TCF7L2: variants seen among roughly 807,000 people sequenced by gnomAD.
TCF7L2 encodes transcription factor 7 like 2.
A neutral mutation model predicts 77.9 loss-of-function variants in TCF7L2; 23 were observed. That is an observed-to-expected ratio of 0.30 (90% CI 0.21 to 0.42). The LOEUF (loss-of-function observed/expected upper bound fraction) is 0.42, where lower values mean the gene tolerates loss of function less well. Among genes scored for constraint, TCF7L2 ranks in the 10% least tolerant of loss-of-function variants. The probability of loss-of-function intolerance (pLI) is 1.00; values close to 1 mark genes in which losing one functional copy is unlikely to be tolerated. For synonymous variants in TCF7L2, 413 were observed against 340.2 expected (o/e 1.21, Z -2.36); for missense variants, 654 against 793.1 (o/e 0.82, Z 2.11).
At chr10:113,027,652 G>A (rs2049429247) in intron 4 of TCF7L2, among the ~76,000 whole-genome samples, 1 of 152,178 alleles carries the variant, frequency 6.6e-6, no homozygotes, top group South Asian at 2.1e-4. Context: ...TATTGTGCTC[G>A]AAATATCTCC....
At chr10:113,066,356 A>G (rs1040393669) in intron 5 of TCF7L2, among the ~76,000 whole-genome samples, 2 of 151,756 alleles carry the variant, frequency 1.3e-5, no homozygotes, top group African/African-American at 2.4e-5. Context: ...CAAGAGCAAA[A>G]GTCCGTCTCA....
intron 5 of TCF7L2, chr10:113,129,265 T>A (rs2066165572): frequency 1.0e-6 from 1 of 975,264 alleles, no homozygotes; most frequent in East Asian, 1.1e-4. Context: ...GATTTGACAA[T>A]CTTGCAGATA....
intron 4 of TCF7L2, among the ~76,000 whole-genome samples, chr10:113,038,771 T>G (rs2051858357): frequency 6.6e-6 from 1 of 152,182 alleles, no homozygotes; most frequent in Non-Finnish European, 1.5e-5. Context: ...TTGATTTACC[T>G]GTGTCTGTAA....
chr10:113,012,482 T>A (rs891292880), intron 4 of TCF7L2, among the ~76,000 whole-genome samples: 1 of 110,096 alleles, frequency 9.1e-6, no homozygotes, highest in Non-Finnish European at 1.8e-5. Context: ...TCTGAACTAG[T>A]GGAAAGGCAC....
intron 5 of TCF7L2, among the ~76,000 whole-genome samples, chr10:113,058,424 TGA>T (rs1348645822): frequency 6.6e-6 from 1 of 151,566 alleles, no homozygotes; most frequent in East Asian, 1.9e-4. Context: ...TTGGAGTGGG[TGA>T]GAGGGAAAAG....
chr10:113,030,814 T>C (rs1223359521), intron 4 of TCF7L2, among the ~76,000 whole-genome samples: 1 of 152,196 alleles, frequency 6.6e-6, no homozygotes, highest in Non-Finnish European at 1.5e-5. Context: ...GTGCTGGTGG[T>C]GGAGCTGACA....
intron 5 of TCF7L2, among the ~76,000 whole-genome samples, chr10:113,069,482 T>C (rs1314360051): frequency 6.6e-6 from 1 of 152,062 alleles, no homozygotes; most frequent in Non-Finnish European, 1.5e-5. Flanking sequence ...CGCCCACCTC[T>C]ACCTCTCAAA....
intron 5 of TCF7L2, chr10:113,126,821 C>T (rs1410528604): frequency 1.6e-5 from 16 of 986,822 alleles, no homozygotes; most frequent in Non-Finnish European, 1.9e-5. Flanking sequence ...AGCATCTGGG[C>T]GCAGGCAGCA....
intron 4 of TCF7L2, among the ~76,000 whole-genome samples, chr10:112,993,372 C>T (rs968115520): frequency 1.3e-5 from 2 of 151,448 alleles, no homozygotes; most frequent in African/African-American, 2.4e-5. Flanking sequence ...TGGGTGTGGT[C>T]GTGGGCACCT....
chr10:113,114,475 G>A (rs899282575), intron 5 of TCF7L2, among the ~76,000 whole-genome samples: 2 of 152,120 alleles, frequency 1.3e-5, no homozygotes, highest in Non-Finnish European at 2.9e-5. Context: ...TCAATGGTGT[G>A]TGGGCTTAAG....
chr10:113,062,266 C>T (rs149978453), intron 5 of TCF7L2, among the ~76,000 whole-genome samples: 1 of 152,142 alleles, frequency 6.6e-6, no homozygotes, highest in Non-Finnish European at 1.5e-5. Context: ...CTTTGCCTAC[C>T]CCTGCTGTTG....
chr10:113,057,741 GCT>G (rs1564835793), intron 5 of TCF7L2, among the ~76,000 whole-genome samples: 1 of 152,218 alleles, frequency 6.6e-6, no homozygotes, highest in East Asian at 1.9e-4. Flanking sequence ...AGAGACTGAG[GCT>G]CAGAGGGAAG....
chr10:113,027,611 A>T (rs1005473461), intron 4 of TCF7L2, among the ~76,000 whole-genome samples: 2 of 152,204 alleles, frequency 1.3e-5, no homozygotes, highest in African/African-American at 4.8e-5. Context: ...TTGGAAGTGG[A>T]CAAAACTGTA....
At chr10:113,059,042 G>A (rs2134801922) in intron 5 of TCF7L2, among the ~76,000 whole-genome samples, 1 of 152,246 alleles carries the variant, frequency 6.6e-6, no homozygotes, top group African/African-American at 2.4e-5. Flanking sequence ...GTGGGAGTGG[G>A]GGATAAAAAG....
intron 5 of TCF7L2, among the ~76,000 whole-genome samples, chr10:113,130,563 T>C (rs1449290457): frequency 6.6e-6 from 1 of 152,186 alleles, no homozygotes; most frequent in African/African-American, 2.4e-5. Flanking sequence ...GCTGGCTTTT[T>C]AGGGCTATGG....
intron 3 of TCF7L2, among the ~76,000 whole-genome samples, chr10:112,954,678 A>G (rs1394880402): frequency 6.6e-6 from 1 of 152,218 alleles, no homozygotes; most frequent in Non-Finnish European, 1.5e-5. Context: ...GTAACCTATT[A>G]AAGTTGATTG....
At chr10:113,126,653 G>A (rs540366961) in intron 5 of TCF7L2, 1 of 985,316 alleles carries the variant, frequency 1.0e-6, no homozygotes, top group Admixed American at 6.1e-5. Context: ...TCCCTATCAA[G>A]CGAGATAATT....
At chr10:113,049,585 T>G (rs2054057937) in intron 5 of TCF7L2, among the ~76,000 whole-genome samples, 1 of 152,108 alleles carries the variant, frequency 6.6e-6, no homozygotes, top group Admixed American at 6.5e-5. Flanking sequence ...TCCTTCTTGC[T>G]TCCTACCTTT....
chr10:113,097,192 T>C (rs1009374407), intron 5 of TCF7L2, among the ~76,000 whole-genome samples: 1 of 152,154 alleles, frequency 6.6e-6, no homozygotes, highest in Non-Finnish European at 1.5e-5. Context: ...GTAAGCCTTG[T>C]GGTTCGCCAG....
Sources: gnomAD v4.1 joint callset for allele counts (sites outside exome capture counted in the v4.1 genomes callset) on GRCh38, gnomAD v4.1.1 for gene constraint, MANE v1.5 for transcripts, NCBI Gene and HGNC (gene_info 2026-07-23, HGNC 2026-07-21) for gene names.